Variants in PSD3 observed in about 807,000 individuals in gnomAD.
PSD3 encodes the protein PH and SEC7 domain-containing protein 3.
In PSD3, 49 loss-of-function variants were observed where a neutral mutation model predicts 105.5. That is an observed-to-expected ratio of 0.46 (90% CI 0.37 to 0.59). The LOEUF is 0.59. PSD3 is among the 20% of genes least tolerant of loss of function. The probability of loss-of-function intolerance (pLI) is 0.00; values close to 1 mark genes in which losing one functional copy is unlikely to be tolerated. For synonymous variants in PSD3, 557 were observed against 457.8 expected (o/e 1.22, Z -2.77); for missense variants, 1,561 against 1,263.8 (o/e 1.24, Z -3.57).
intron 2 of PSD3, among the ~76,000 whole-genome samples, chr8:18,877,076 T>G (rs748526526): frequency 1.3e-5 from 2 of 152,226 alleles, no homozygotes. Context: ...CTTTATTAGA[T>G]GTACACTTTG....
In PSD3 at chr8:18,871,925, CTT is replaced by C. The variant is rs1817383932; in HGVS notation, c.937_938del (p.Lys313GlufsTer10). On this transcript the variant is annotated frameshift_variant, in exon 3 of 16. Coordinates refer to ENST00000327040, the MANE Select transcript of PSD3 (RefSeq NM_015310.4). LOFTEE classifies it high-confidence loss of function. ...AATCTATAGGATGCTGGGTCTCTCT[CTT>C]GTCTCCTCCTGTCCACAGTATTTCC... The part of the protein sequence containing the change: ...GVEILWTGGD[K>X]RETQHPIDFE... The C allele has an allele frequency of 3.1e-6, 5 of 1,614,100 alleles. No individual in the cohort carries two copies. Among genetic ancestry groups the C allele is most frequent in the Admixed American group, 1.7e-5 (1 of 60,004 alleles).
chr8:18,815,454 G>A (rs578261854), intron 4 of PSD3, among the ~76,000 whole-genome samples: 15 of 152,022 alleles, frequency 9.9e-5, no homozygotes, highest in Non-Finnish European at 1.9e-4. Context: ...GATCACAGGC[G>A]CATGCCCCCA....
intron 2 of PSD3, among the ~76,000 whole-genome samples, chr8:18,934,190 C>G (rs1015355507): frequency 4.6e-5 from 7 of 152,022 alleles, no homozygotes; most frequent in African/African-American, 1.7e-4. Flanking sequence ...TAGTTCATAC[C>G]TGGGTTTCTT....
At chr8:18,714,119 C>T (rs945869495) in intron 9 of PSD3, among the ~76,000 whole-genome samples, 6 of 152,040 alleles carry the variant, frequency 3.9e-5, no homozygotes, top group African/African-American at 1.4e-4. Context: ...ATACCTTATA[C>T]AAAAATTAAC....
At chr8:18,789,542 C>T (rs766239641) in intron 8 of PSD3, among the ~76,000 whole-genome samples, 2 of 152,020 alleles carry the variant, frequency 1.3e-5, no homozygotes, top group African/African-American at 2.4e-5. Context: ...GATTTTGGGG[C>T]TTCTCAAAAA....
intron 9 of PSD3, among the ~76,000 whole-genome samples, chr8:18,754,553 T>C (rs1805868773): frequency 1.3e-5 from 2 of 152,110 alleles, no homozygotes; most frequent in Admixed American, 6.5e-5. Context: ...TTTGCCTGTG[T>C]CTACAGGCCC....
At chr8:18,790,202 C>G (rs1258334930) in intron 8 of PSD3, among the ~76,000 whole-genome samples, 1 of 151,980 alleles carries the variant, frequency 6.6e-6, no homozygotes, top group Non-Finnish European at 1.5e-5. Context: ...GATAAGGATT[C>G]CTATTAAAGT....
intron 9 of PSD3, among the ~76,000 whole-genome samples, chr8:18,725,966 G>C (rs192607436): frequency 6.6e-6 from 1 of 152,202 alleles, no homozygotes; most frequent in Non-Finnish European, 1.5e-5. Flanking sequence ...CACCCACTGA[G>C]AGTGCTGTTC....
chr8:18,571,901 G>GGTAC (rs924311573), intron 14 of PSD3, among the ~76,000 whole-genome samples: 6 of 152,112 alleles, frequency 3.9e-5, no homozygotes, highest in Non-Finnish European at 8.8e-5. Context: ...CTAGCTGGTA[G>GGTAC]GTAGTGTCCT....
chr8:18,859,123 C>T (rs1403005099), intron 4 of PSD3, among the ~76,000 whole-genome samples: 1 of 151,920 alleles, frequency 6.6e-6, no homozygotes, highest in Admixed American at 6.6e-5. Flanking sequence ...ATTGTGTTGG[C>T]GGGCATTAGA....
At chr8:18,826,732 A>G (rs1195319100) in intron 4 of PSD3, among the ~76,000 whole-genome samples, 1 of 152,230 alleles carries the variant, frequency 6.6e-6, no homozygotes, top group Admixed American at 6.5e-5. Context: ...TGATTTTTAA[A>G]AATCTAATTA....
chr8:18,710,311 A>G (rs1324297205), intron 9 of PSD3, among the ~76,000 whole-genome samples: 1 of 152,130 alleles, frequency 6.6e-6, no homozygotes, highest in Non-Finnish European at 1.5e-5. Context: ...AATGAGAAGG[A>G]ATGAACAAAA....
intron 1 of PSD3, among the ~76,000 whole-genome samples, chr8:18,966,861 A>G (rs1327075099): frequency 6.6e-6 from 1 of 152,214 alleles, no homozygotes; most frequent in African/African-American, 2.4e-5. Context: ...TTAGTCTTAA[A>G]ATAAATGATA....
chr8:18,816,242 C>T, intron 4 of PSD3, among the ~76,000 whole-genome samples: 1 of 152,162 alleles, frequency 6.6e-6, no homozygotes, highest in Non-Finnish European at 1.5e-5. Flanking sequence ...ATTTTAAGCA[C>T]TTTATACTAA....
At chr8:18,797,519 C>T (rs1385858048) in intron 8 of PSD3, among the ~76,000 whole-genome samples, 1 of 152,128 alleles carries the variant, frequency 6.6e-6, no homozygotes, top group Non-Finnish European at 1.5e-5. Flanking sequence ...CAGCTCTAAA[C>T]CTGTAGCTAC....
intron 1 of PSD3, among the ~76,000 whole-genome samples, chr8:19,032,009 A>T (rs148502112): frequency 6.6e-6 from 1 of 152,244 alleles, no homozygotes; most frequent in African/African-American, 2.4e-5. Context: ...CTGCTTAGGG[A>T]AATCCTTTCT....
chr8:18,873,125 A>T (rs1366305218), intron 2 of PSD3, among the ~76,000 whole-genome samples: 4 of 152,212 alleles, frequency 2.6e-5, no homozygotes, highest in African/African-American at 7.2e-5. Flanking sequence ...TGGGCTTAAC[A>T]CTAAAGAGCC....
At chr8:19,008,869 G>T (rs1826824786) in intron 1 of PSD3, among the ~76,000 whole-genome samples, 1 of 152,106 alleles carries the variant, frequency 6.6e-6, no homozygotes, top group Non-Finnish European at 1.5e-5. Flanking sequence ...ATTGTTTCAA[G>T]CTCCTTTTCT....
chr8:18,649,612 T>G (rs1808319891), intron 10 of PSD3, among the ~76,000 whole-genome samples: 1 of 152,164 alleles, frequency 6.6e-6, no homozygotes, highest in Admixed American at 6.5e-5. Flanking sequence ...TGACTGTATT[T>G]TGCAATGTGA....
Sources: allele counts gnomAD v4.1 joint callset (sites outside exome capture counted in the v4.1 genomes callset), GRCh38; gene constraint gnomAD v4.1.1; transcripts MANE v1.5; gene names NCBI Gene and HGNC (gene_info 2026-07-23, HGNC 2026-07-21).